Variants in HERC3 observed in about 807,000 individuals in gnomAD.
The protein encoded by HERC3 is probable E3 ubiquitin-protein ligase HERC3.
A neutral mutation model predicts 129.9 loss-of-function variants in HERC3; 58 were observed. That is an observed-to-expected ratio of 0.45 (90% CI 0.36 to 0.56). HERC3 has a LOEUF of 0.56. Among genes scored for constraint, HERC3 ranks in the 20% least tolerant of loss-of-function variants. The pLI is 0.00. For synonymous variants in HERC3, 430 were observed against 451.0 expected, an observed-to-expected ratio of 0.95 and a Z score of 0.59; for missense variants, 835 against 1,244.2, an observed-to-expected ratio of 0.67 and a Z score of 4.95.
At chr4:88,662,071 A>G (rs1730547438) in intron 10 of HERC3, among the ~76,000 whole-genome samples, 1 of 152,098 alleles carries the variant, frequency 6.6e-6, no homozygotes, top group Non-Finnish European at 1.5e-5. Flanking sequence ...GCGCAGAGGG[A>G]GGGGTTGAAA....
At chr4:88,638,909 C>A (rs1018615614) in intron 3 of HERC3, among the ~76,000 whole-genome samples, 1 of 152,114 alleles carries the variant, frequency 6.6e-6, no homozygotes, top group Non-Finnish European at 1.5e-5. Flanking sequence ...GGTATAAAAT[C>A]AATGTGCAAA....
At position 88,707,122 on chromosome 4, in the gene HERC3, A is replaced by G; in HGVS notation, c.*162A>G. Reference sequence around the variant, plus strand: ...TGTGTTTCTGGGATTGTATAGCAGTAAACAACCTTTTTGAAAAATTAGAGG... The same window carrying G: ...TGTGTTTCTGGGATTGTATAGCAGTGAACAACCTTTTTGAAAAATTAGAGG... On this transcript the variant is annotated 3_prime_UTR_variant, in exon 26 of 26. Transcript: ENST00000402738. The G allele has an allele frequency of 1.6e-6, 1 of 638,026 alleles. No homozygotes were observed. Among genetic ancestry groups the G allele is most frequent in the Non-Finnish European group, 2.7e-6 (1 of 369,150 alleles). 39.5% of individuals were successfully genotyped at this position (638,026 alleles called of 1,614,324 possible).
chr4:88,697,187 TCATC>T, intron 23 of HERC3: 1 of 1,484,604 alleles, frequency 6.7e-7, no homozygotes, highest in Non-Finnish European at 8.9e-7. Flanking sequence ...GGCTTTCTCT[TCATC>T]CATCTCTGCC....
At chr4:88,558,575 A>T in the HERC3 span, among the ~76,000 whole-genome samples, 1 of 152,188 alleles carries the variant, frequency 6.6e-6, no homozygotes, top group Non-Finnish European at 1.5e-5. Flanking sequence ...TGATGGGTGC[A>T]CTAAAATCTC....
intron 3 of HERC3, among the ~76,000 whole-genome samples, chr4:88,636,540 A>G (rs1727422977): frequency 6.6e-6 from 1 of 152,210 alleles, no homozygotes. Context: ...CCCACACAAT[A>G]ATAGTGGGAG....
intron 3 of HERC3, among the ~76,000 whole-genome samples, chr4:88,636,918 C>T (rs1429210027): frequency 6.6e-6 from 1 of 151,960 alleles, no homozygotes; most frequent in African/African-American, 2.4e-5. Context: ...GGCGGATTGC[C>T]TGAGCTCAGG....
At chr4:88,701,753 T>A (rs2924924) in intron 23 of HERC3, among the ~76,000 whole-genome samples, 1 of 151,328 alleles carries the variant, frequency 6.6e-6, no homozygotes, top group African/African-American at 2.4e-5. Flanking sequence ...ATTTGATATG[T>A]TTTTTTTATG....
At chr4:88,551,647 AG>A in the HERC3 span, among the ~76,000 whole-genome samples, 2 of 152,154 alleles carry the variant, frequency 1.3e-5, no homozygotes, top group East Asian at 3.9e-4. Flanking sequence ...GGTGCTGGAG[AG>A]GATGTGGAGA....
chr4:88,704,339 G>C, intron 24 of HERC3, 58 bp downstream of exon 24: 2 of 1,549,940 alleles, frequency 1.3e-6, no homozygotes, highest in Non-Finnish European at 8.9e-7. Context: ...GCAGCCTGGG[G>C]AGGTGTTCCC....
At chr4:88,644,258 C>T (rs1021748974) in intron 3 of HERC3, among the ~76,000 whole-genome samples, 2 of 151,916 alleles carry the variant, frequency 1.3e-5, no homozygotes, top group Non-Finnish European at 2.9e-5. Context: ...ATATATTTAC[C>T]ACATAACCTA....
At chr4:88,538,839 G>A in the HERC3 span, among the ~76,000 whole-genome samples, 9 of 152,008 alleles carry the variant, frequency 5.9e-5, no homozygotes, top group Middle Eastern at 3.2e-3. Context: ...CACCATGCCC[G>A]GCCCAATTTC....
chr4:88,603,860 T>G (rs1723303674), intron 2 of HERC3, among the ~76,000 whole-genome samples: 1 of 152,250 alleles, frequency 6.6e-6, no homozygotes, highest in Non-Finnish European at 1.5e-5. Context: ...AAAATACTTT[T>G]GTGCCTATTA....
At chr4:88,678,172 A>T in intron 19 of HERC3, 38 bp downstream of exon 19, 1 of 1,585,486 alleles carries the variant, frequency 6.3e-7, no homozygotes, top group Non-Finnish European at 8.6e-7. Flanking sequence ...ATACCTTCGC[A>T]ATTTTTCTTT....
chr4:88,551,235 C>T, the HERC3 span, among the ~76,000 whole-genome samples: 1 of 152,198 alleles, frequency 6.6e-6, no homozygotes, highest in Non-Finnish European at 1.5e-5. Context: ...GCAAGGACTT[C>T]ATGTCTAAAA....
At chr4:88,622,400 G>A (rs1268099771) in intron 3 of HERC3, among the ~76,000 whole-genome samples, 8 of 152,184 alleles carry the variant, frequency 5.3e-5, no homozygotes, top group Admixed American at 5.2e-4. Flanking sequence ...AGACATTTGG[G>A]TGGTTTTAGG....
chr4:88,681,476 T>C, intron 21 of HERC3, 151 bp downstream of exon 21: 1 of 654,160 alleles, frequency 1.5e-6, no homozygotes, highest in Non-Finnish European at 2.6e-6. Flanking sequence ...GATGTAGCTG[T>C]GCAGCTACTT....
chr4:88,691,878 A>G (rs985678064), intron 23 of HERC3, among the ~76,000 whole-genome samples: 2 of 152,278 alleles, frequency 1.3e-5, no homozygotes, highest in Non-Finnish European at 1.5e-5. Context: ...TAACTTAGGC[A>G]GTTGTATACA....
At chr4:88,540,883 GA>G in the HERC3 span, among the ~76,000 whole-genome samples, 4 of 152,122 alleles carry the variant, frequency 2.6e-5, no homozygotes, top group East Asian at 1.9e-4. Flanking sequence ...TTATAGACAA[GA>G]AAAAGGCTGA....
the HERC3 span, among the ~76,000 whole-genome samples, chr4:88,539,800 T>C: frequency 2.6e-5 from 4 of 152,208 alleles, no homozygotes; most frequent in African/African-American, 9.6e-5. Context: ...AAACAGGGTC[T>C]GGAGTGAACC....
Sources: gnomAD v4.1 joint callset for allele counts (sites outside exome capture counted in the v4.1 genomes callset) on GRCh38, gnomAD v4.1.1 for gene constraint, MANE v1.5 for transcripts, NCBI Gene and HGNC (gene_info 2026-07-23, HGNC 2026-07-21) for gene names.